RALYL: variants seen among roughly 807,000 people sequenced by gnomAD.
RALYL encodes the protein RALY RNA binding protein like, also known as RNA-binding Raly-like protein.
Under a neutral mutation model 35.1 loss-of-function variants are expected in RALYL, and 29 were observed. The ratio of observed to expected loss-of-function variants is 0.83; its 90% CI spans 0.61 to 1.13. The LOEUF (loss-of-function observed/expected upper bound fraction) is 1.13, where lower values mean the gene tolerates loss of function less well. Ranked by LOEUF, RALYL falls within the 50% of genes most tolerant of loss-of-function variation. The pLI is 0.00. For missense variants in RALYL, 359 were observed against 360.4 expected (o/e 1.00, Z 0.03); for synonymous variants, 120 against 127.6 (o/e 0.94, Z 0.40).
chr8:84,262,699 G>T (rs954842006), intron 1 of RALYL, among the ~76,000 whole-genome samples: 2 of 152,122 alleles, frequency 1.3e-5, no homozygotes, highest in African/African-American at 4.8e-5. Flanking sequence ...TGTCCAACCT[G>T]TTGGTGATCT....
chr8:84,459,577 C>G (rs1405560538), intron 1 of RALYL, among the ~76,000 whole-genome samples: 1 of 151,716 alleles, frequency 6.6e-6, no homozygotes, highest in African/African-American at 2.4e-5. Context: ...ATGTCCTTTG[C>G]AATGGAGGAA....
At chr8:84,544,485 A>G (rs1433497774) in intron 2 of RALYL, among the ~76,000 whole-genome samples, 3 of 151,870 alleles carry the variant, frequency 2.0e-5, no homozygotes, top group Non-Finnish European at 4.4e-5. Context: ...CTCTCTTTTT[A>G]TCATTGCATA....
Position 84,711,824 on chromosome 8 carries a change from G to A in RALYL, c.257-62755G>A, listed in dbSNP as rs192717309. On this transcript the variant is annotated intron_variant, in intron 2 of 8. Transcript: ENST00000521268. ...ATTGAAATTGATTACAAATTAAATA[G>A]CAATATAAAAATGGATTATTTAAAA... 1.7e-4 allele frequency among the ~76,000 whole-genome samples: 26 copies of A among 152,188 alleles called. No homozygotes were observed. The East Asian group carries it at 4.8e-3, about 28-fold the overall frequency.
chr8:84,638,605 A>G (rs1022075649), intron 2 of RALYL, among the ~76,000 whole-genome samples: 9 of 151,744 alleles, frequency 5.9e-5, no homozygotes, highest in Non-Finnish European at 5.9e-5. Flanking sequence ...AAACTCAATT[A>G]GAAACAAAGT....
intron 1 of RALYL, among the ~76,000 whole-genome samples, chr8:84,266,726 C>T (rs1004261413): frequency 6.6e-6 from 1 of 151,928 alleles, no homozygotes; most frequent in African/African-American, 2.4e-5. Context: ...TTTGGGAGGC[C>T]GAGGCGGGCG....
rs748992047 is a variant in RALYL at position 84,873,355 on chromosome 8, G to A, written c.643G>A (p.Gly215Arg). The change falls in exon 7 of 9, where the codon GGG becomes AGG. Residue 215 changes from glycine to arginine, a missense_variant. Transcript: ENST00000521268. ...CAAAACTAAAATTGACTCCTTGCTA[G>A]GGCGCCTGGAGAAGATTGAGAAACA... The part of the protein sequence containing the change: ...QIKTKIDSLL[G>R]RLEKIEKQQK... 4 of 1,601,692 alleles carry A rather than the reference G, an allele frequency of 2.5e-6. No homozygotes were observed. Among genetic ancestry groups the A allele is most frequent in the East Asian group, 2.3e-5 (1 of 44,432 alleles).
intron 8 of RALYL, among the ~76,000 whole-genome samples, chr8:84,913,778 A>G (rs1026960527): frequency 6.6e-6 from 1 of 151,952 alleles, no homozygotes; most frequent in Non-Finnish European, 1.5e-5. Context: ...TAATATTACA[A>G]AGCTTTAAGT....
At chr8:84,302,949 G>A (rs1485463205) in intron 1 of RALYL, among the ~76,000 whole-genome samples, 1 of 152,168 alleles carries the variant, frequency 6.6e-6, no homozygotes, top group Non-Finnish European at 1.5e-5. Flanking sequence ...ACTTTGAGAT[G>A]GAGAATCTTA....
At chr8:84,911,448 G>C (rs1050685236) in intron 8 of RALYL, among the ~76,000 whole-genome samples, 3 of 152,092 alleles carry the variant, frequency 2.0e-5, no homozygotes, top group Non-Finnish European at 2.9e-5. Flanking sequence ...ATAGAGCATA[G>C]AGATAAGAAG....
chr8:84,526,783 C>T (rs1050115659), intron 1 of RALYL, among the ~76,000 whole-genome samples: 1 of 152,174 alleles, frequency 6.6e-6, no homozygotes, highest in South Asian at 2.1e-4. Context: ...GGACACTGCT[C>T]TAGACCTGAA....
chr8:84,466,634 G>A (rs890740715), intron 1 of RALYL, among the ~76,000 whole-genome samples: 85 of 150,754 alleles, frequency 5.6e-4, no homozygotes, highest in African/African-American at 2.0e-3. Context: ...CCTGGCTTTG[G>A]TATCAGAATG....
At chr8:84,320,294 C>T (rs73306952) in intron 1 of RALYL, among the ~76,000 whole-genome samples, 1,903 of 151,952 alleles carry the variant, frequency 0.013, 55 homozygotes, top group African/African-American at 0.043. Context: ...TTGACATTTC[C>T]ATTATGCATT....
chr8:84,452,769 C>T (rs1442030535), intron 1 of RALYL, among the ~76,000 whole-genome samples: 2 of 151,820 alleles, frequency 1.3e-5, no homozygotes, highest in Non-Finnish European at 1.5e-5. Flanking sequence ...CTTTCATTAC[C>T]TTCTTTTCTA....
chr8:84,420,308 A>G (rs1465778044), intron 1 of RALYL, among the ~76,000 whole-genome samples: 2 of 152,060 alleles, frequency 1.3e-5, no homozygotes, highest in East Asian at 3.9e-4. Flanking sequence ...GATGATGAGC[A>G]TTTTTTCATG....
intron 2 of RALYL, among the ~76,000 whole-genome samples, chr8:84,557,194 A>T (rs747438111): frequency 2.0e-5 from 3 of 152,330 alleles, no homozygotes; most frequent in African/African-American, 7.2e-5. Context: ...TTGTAAATAT[A>T]TATCCCCACT....
chr8:84,371,680 G>A (rs73298709), intron 1 of RALYL, among the ~76,000 whole-genome samples: 4,488 of 151,956 alleles, frequency 0.03, 213 homozygotes, highest in African/African-American at 0.1. Flanking sequence ...GTGAAATACT[G>A]TGCTGTGATA....
chr8:84,862,377 G>T lies in RALYL; in HGVS notation c.495G>T (p.Thr165=), dbSNP rs772086303. 2 of 1,607,054 alleles carry T rather than the reference G, an allele frequency of 1.2e-6. No individual in the cohort carries two copies. Among genetic ancestry groups the T allele is most frequent in the East Asian group, 2.3e-5 (1 of 44,102 alleles). The change falls in exon 6 of 9, where the codon ACG becomes ACT. Residue 165 remains threonine (T), a synonymous_variant. Coordinates refer to ENST00000521268, the MANE Select transcript of RALYL (RefSeq NM_173848.7). The part of the protein sequence containing the change: ...PLKRPRVAVT[T]TRRGKGVFSM... ...AGCGTCCCAGAGTGGCAGTCACAAC[G>T]ACTCGCAGGGGGAAAGGAGTCTTTT... is the stretch of plus-strand genomic sequence containing the variant.
chr8:84,318,954 C>G (rs1477775248), intron 1 of RALYL, among the ~76,000 whole-genome samples: 2 of 152,152 alleles, frequency 1.3e-5, no homozygotes, highest in Admixed American at 1.3e-4. Flanking sequence ...CCAACACATG[C>G]TGTGTTTGAC....
chr8:84,499,008 G>A (rs2056383191), intron 1 of RALYL, among the ~76,000 whole-genome samples: 1 of 151,568 alleles, frequency 6.6e-6, no homozygotes, highest in African/African-American at 2.4e-5. Flanking sequence ...TTTTCTTTAG[G>A]GAAAACTATA....
Sources: allele counts gnomAD v4.1 joint callset (sites outside exome capture counted in the v4.1 genomes callset), GRCh38; gene constraint gnomAD v4.1.1; transcripts MANE v1.5; gene names NCBI Gene and HGNC (gene_info 2026-07-23, HGNC 2026-07-21).